Variants in IDO2 observed in about 807,000 individuals in gnomAD.
The protein encoded by IDO2 is indoleamine 2,3-dioxygenase 2.
A neutral mutation model predicts 45.1 loss-of-function variants in IDO2; 46 were observed. The observed-to-expected ratio is 1.02, with a 90% CI of 0.80 to 1.30. The LOEUF (loss-of-function observed/expected upper bound fraction) is 1.30, where lower values mean the gene tolerates loss of function less well. Among genes scored for constraint, IDO2 ranks in the 50% most tolerant of loss-of-function variants. The pLI is 0.00. For missense variants in IDO2, 544 were observed against 491.8 expected, an observed-to-expected ratio of 1.11 and a Z score of -1.00; for synonymous variants, 218 against 184.9, an observed-to-expected ratio of 1.18 and a Z score of -1.45.
intron 2 of IDO2, among the ~76,000 whole-genome samples, chr8:39,959,561 C>A (rs1296129995): frequency 2.6e-5 from 2 of 75,622 alleles, no homozygotes; most frequent in Admixed American, 1.5e-4. Flanking sequence ...GTGGGTCACA[C>A]CTGTAATCTT....
chr8:39,985,223 C>A, intron 5 of IDO2: 1 of 464,376 alleles, frequency 2.2e-6, no homozygotes, highest in Non-Finnish European at 3.8e-6. Context: ...GCCACTGTGC[C>A]CAGCCTAATA....
At chr8:39,985,732 T>A (rs2129594619) in intron 6 of IDO2, 1 of 532,102 alleles carries the variant, frequency 1.9e-6, no homozygotes, top group South Asian at 3.2e-5. Context: ...GATAAGGGAT[T>A]TTTTTTTACT....
At chr8:39,983,745 A>G (rs1157684896) in intron 5 of IDO2, among the ~76,000 whole-genome samples, 1 of 152,116 alleles carries the variant, frequency 6.6e-6, no homozygotes, top group Non-Finnish European at 1.5e-5. Flanking sequence ...ACATACCTGT[A>G]ATGCCAGCTG....
chr8:39,985,739 T>TA (rs1808413030), intron 6 of IDO2: 2 of 531,010 alleles, frequency 3.8e-6, no homozygotes, highest in Non-Finnish European at 3.4e-6. Flanking sequence ...GATTTTTTTT[T>TA]ACTGTATTTT....
intron 6 of IDO2, 191 bp downstream of exon 6, chr8:39,985,713 C>A: frequency 1.7e-6 from 1 of 572,206 alleles, no homozygotes; most frequent in Non-Finnish European, 3.1e-6. Flanking sequence ...ATTGCCTCTT[C>A]CTTGTATAGA....
chr8:39,964,823 A>T (rs1444746379), intron 3 of IDO2, among the ~76,000 whole-genome samples: 1 of 152,272 alleles, frequency 6.6e-6, no homozygotes, highest in Admixed American at 6.5e-5. Context: ...ATAAAAATTT[A>T]AAGGATTTTT....
intron 2 of IDO2, among the ~76,000 whole-genome samples, chr8:39,952,959 G>T (rs1351413435): frequency 6.6e-6 from 1 of 150,866 alleles, no homozygotes; most frequent in Non-Finnish European, 1.5e-5. Context: ...GTACAGATGG[G>T]GTTTCTCCAT....
chr8:39,987,652 G>T, intron 6 of IDO2: 2 of 499,244 alleles, frequency 4.0e-6, no homozygotes, highest in Middle Eastern at 5.5e-4. Context: ...ACATTGGGAG[G>T]CTGCCTGTCA....
At chr8:39,989,693 A>G in intron 7 of IDO2, 28 bp from the exon 8 acceptor site, 1 of 1,455,960 alleles carries the variant, frequency 6.9e-7, no homozygotes, top group African/African-American at 1.4e-5. Context: ...GAGTGCTAAT[A>G]AGTTGTGTAC....
At chr8:39,999,435 C>G (rs1007365402) in intron 8 of IDO2, among the ~76,000 whole-genome samples, 1 of 151,784 alleles carries the variant, frequency 6.6e-6, no homozygotes, top group South Asian at 2.1e-4. Flanking sequence ...CCTGCCAACA[C>G]GCCAGGCTAA....
chr8:39,959,472 A>G (rs1254153860), intron 2 of IDO2, among the ~76,000 whole-genome samples: 1 of 150,508 alleles, frequency 6.6e-6, no homozygotes, highest in Admixed American at 6.6e-5. Context: ...AGTAGAAAAT[A>G]TAACTCATTA....
At chr8:40,007,370 G>A (rs1802239684) in intron 9 of IDO2, among the ~76,000 whole-genome samples, 1 of 152,038 alleles carries the variant, frequency 6.6e-6, no homozygotes, top group South Asian at 2.1e-4. Flanking sequence ...AGCCTGGGAG[G>A]GAGTGGGGAT....
At chr8:39,935,487 G>T (rs922938412) in intron 1 of IDO2, among the ~76,000 whole-genome samples, 1 of 151,992 alleles carries the variant, frequency 6.6e-6, no homozygotes, top group East Asian at 1.9e-4. Flanking sequence ...GTCTCACTCT[G>T]TTGCCAGGCT....
intron 8 of IDO2, 27 bp downstream of exon 8, chr8:39,989,865 G>T (rs1272083187): frequency 1.3e-6 from 2 of 1,495,008 alleles, no homozygotes; most frequent in Non-Finnish European, 1.8e-6. Context: ...GCTCCTGAAG[G>T]ATCCCCCAGG....
At chr8:40,008,906 A>T in intron 9 of IDO2, among the ~76,000 whole-genome samples, 1 of 152,108 alleles carries the variant, frequency 6.6e-6, no homozygotes, top group East Asian at 1.9e-4. Flanking sequence ...GTAGATGGAC[A>T]AAAATATCTG....
At chr8:39,981,850 C>T (rs904253066) in intron 4 of IDO2, among the ~76,000 whole-genome samples, 5 of 151,944 alleles carry the variant, frequency 3.3e-5, no homozygotes, top group African/African-American at 1.2e-4. Context: ...CCTTTACCTC[C>T]GATAGAGAAC....
chr8:39,961,909 G>C (rs1005036345), intron 2 of IDO2, among the ~76,000 whole-genome samples: 1 of 152,134 alleles, frequency 6.6e-6, no homozygotes, highest in African/African-American at 2.4e-5. Flanking sequence ...GAGAAAAAGA[G>C]CCTCAGGTTA....
chr8:39,985,838 A>AT lies in IDO2; in HGVS notation c.449+326dup, dbSNP rs1173261016. On this transcript the variant is annotated intron_variant, in intron 6 of 10. Transcript: ENST00000502986. ...AATTTCAGTAACTCCTTGAAGTTTAATTTTTTTTTTGAGACTGAGTCTTAG... is the reference window on the plus strand; with the variant it reads ...AATTTCAGTAACTCCTTGAAGTTTAATTTTTTTTTTTGAGACTGAGTCTTAG... The AT allele has an allele frequency of 5.6e-3, 1,334 of 237,566 alleles. 2 individuals carry two copies. Among genetic ancestry groups the AT allele is most frequent in the South Asian group, 9.6e-3 (135 of 14,126 alleles). The allele number at this position is 237,566 out of a possible 1,614,324, so 14.7% of individuals were successfully genotyped here.
intron 1 of IDO2, among the ~76,000 whole-genome samples, chr8:39,938,407 C>T (rs867937132): frequency 2.0e-5 from 3 of 151,974 alleles, no homozygotes; most frequent in Middle Eastern, 3.4e-3. Flanking sequence ...TCACTTTATC[C>T]TTGATTTATT....
Sources: allele counts gnomAD v4.1 joint callset (sites outside exome capture counted in the v4.1 genomes callset), GRCh38; gene constraint gnomAD v4.1.1; transcripts MANE v1.5; gene names NCBI Gene and HGNC (gene_info 2026-07-23, HGNC 2026-07-21).